ATP8A1: variants seen among roughly 807,000 people sequenced by gnomAD.
ATP8A1 encodes the protein phospholipid-transporting ATPase IA.
In ATP8A1, 90 loss-of-function variants were observed where a neutral mutation model predicts 177.7. The ratio of observed to expected loss-of-function variants is 0.51; its 90% confidence interval spans 0.43 to 0.60. The LOEUF is 0.60. Among genes scored for constraint, ATP8A1 ranks in the 20% least tolerant of loss-of-function variants. The pLI, the probability that ATP8A1 is intolerant of heterozygous loss-of-function variation, is 0.00. For synonymous variants in ATP8A1, 493 were observed against 485.9 expected (o/e 1.01, Z -0.19); for missense variants, 1,072 against 1,392.8 (o/e 0.77, Z 3.67).
intron 19 of ATP8A1, 80 bp from the exon 20 acceptor site, chr4:42,544,066 G>A (rs1226037803): frequency 8.9e-7 from 1 of 1,129,268 alleles, no homozygotes; most frequent in Non-Finnish European, 1.3e-6. Context: ...CACATATTTT[G>A]ATATTCACAG....
chr4:42,586,241 A>G, intron 9 of ATP8A1, 108 bp downstream of exon 9: 1 of 1,294,556 alleles, frequency 7.7e-7, no homozygotes, highest in South Asian at 1.5e-5. Flanking sequence ...GGTTTTGAGG[A>G]CTCAAACTTA....
intron 1 of ATP8A1, among the ~76,000 whole-genome samples, chr4:42,636,156 A>ACACACACACACGCGTGCGCGCG (rs565139270): frequency 1.1e-5 from 1 of 90,898 alleles, no homozygotes; most frequent in African/African-American, 3.3e-5. Context: ...ACACACACAC[A>ACACACACACACGCGTGCGCGCG]CGCACACACA....
At chr4:42,517,161 T>C (rs929280462) in intron 22 of ATP8A1, among the ~76,000 whole-genome samples, 4 of 151,554 alleles carry the variant, frequency 2.6e-5, no homozygotes, top group African/African-American at 9.7e-5. Context: ...TTTGGCTGGG[T>C]GTGGTGGCGG....
chr4:42,537,148 AAAAAAAC>A lies in ATP8A1; in HGVS notation c.1722+6762_1722+6768del, dbSNP rs1727923997. Among the ~76,000 whole-genome samples the A allele has an allele frequency of 4.3e-5, 5 of 117,560 alleles. No homozygotes were observed. In the Admixed American group the frequency reaches 4.8e-4, roughly 11 times the overall value. The allele number at this position is 117,560 out of a possible 152,430, so 77.1% of individuals were successfully genotyped here. Reference sequence around the variant, plus strand: ...ACTCCGTCTCAAAAAAAAAAAAAACAAAAAAACCAAAAAAACCCCCACGTGATCATCT... The same window carrying A: ...ACTCCGTCTCAAAAAAAAAAAAAACACAAAAAAACCCCCACGTGATCATCT... On this transcript the variant is annotated intron_variant, in intron 20 of 36. Coordinates refer to ENST00000381668, the MANE Select transcript of ATP8A1 (RefSeq NM_006095.2).
At chr4:42,481,049 G>A (rs1376019599) in intron 25 of ATP8A1, among the ~76,000 whole-genome samples, 2 of 152,180 alleles carry the variant, frequency 1.3e-5, no homozygotes, top group Non-Finnish European at 2.9e-5. Flanking sequence ...TTCTTTGAAA[G>A]GCTGGGTTAT....
At chr4:42,589,135 G>A (rs1733913124) in intron 7 of ATP8A1, among the ~76,000 whole-genome samples, 1 of 152,156 alleles carries the variant, frequency 6.6e-6, no homozygotes, top group Admixed American at 6.5e-5. Context: ...CCACAGCCCA[G>A]ACTGTCTTAT....
Position 42,412,438 on chromosome 4 carries a change from G to C in ATP8A1, c.*478C>G, listed in dbSNP as rs1712726550. 1 of 152,236 alleles carries C rather than the reference G, an allele frequency of 6.6e-6. No individual in the cohort carries two copies. The allele number at this position is 152,236 out of a possible 1,614,324, so 9.4% of individuals were successfully genotyped here. A position where few individuals can be genotyped will look rare whatever the true frequency, so the allele number is the denominator to read the frequency against. On this transcript the variant is annotated 3_prime_UTR_variant, in exon 37 of 37. Transcript: ENST00000381668. ...ACACAAATGCTTGTTTAGAAATTTT[G>C]CTCAGGAAGGTGAGTCAGTTCCTTA... is the stretch of plus-strand genomic sequence containing the variant.
intron 1 of ATP8A1, among the ~76,000 whole-genome samples, chr4:42,651,789 C>T (rs1379028766): frequency 6.6e-6 from 1 of 152,230 alleles, no homozygotes; most frequent in East Asian, 1.9e-4. Flanking sequence ...AGCAGAAAGG[C>T]ACAAGGAGCC....
At chr4:42,451,883 C>G (rs1717966312) in intron 30 of ATP8A1, 98 bp downstream of exon 30, 4 of 839,182 alleles carry the variant, frequency 4.8e-6, no homozygotes, top group Non-Finnish European at 7.2e-6. Context: ...AAATATCATA[C>G]AATGAAACTG....
intron 33 of ATP8A1, among the ~76,000 whole-genome samples, chr4:42,424,063 A>G (rs1460613626): frequency 1.3e-5 from 2 of 152,136 alleles, no homozygotes; most frequent in Non-Finnish European, 2.9e-5. Flanking sequence ...CTACAAAAAC[A>G]ACAATTTGAT....
chr4:42,620,508 A>C (rs16854618), intron 4 of ATP8A1, among the ~76,000 whole-genome samples: 14,005 of 152,276 alleles, frequency 0.092, 783 homozygotes, highest in African/African-American at 0.15. Flanking sequence ...GGAGTACTAG[A>C]AACCATAGCT....
intron 33 of ATP8A1, among the ~76,000 whole-genome samples, chr4:42,425,751 CGGG>C: frequency 6.6e-6 from 1 of 152,124 alleles, no homozygotes. Context: ...GCAGCCTGTT[CGGG>C]CCGAGCTCCG....
At chr4:42,622,681 A>T (rs1475110553) in intron 4 of ATP8A1, among the ~76,000 whole-genome samples, 2 of 152,162 alleles carry the variant, frequency 1.3e-5, no homozygotes, top group African/African-American at 4.8e-5. Context: ...TCTACAAGGA[A>T]CTTAAATTTA....
intron 33 of ATP8A1, among the ~76,000 whole-genome samples, chr4:42,440,629 G>T (rs759201221): frequency 6.6e-6 from 1 of 151,564 alleles, no homozygotes; most frequent in Admixed American, 6.6e-5. Context: ...TTGATTGATT[G>T]AAAAAAAATA....
chr4:42,459,314 T>C (rs988124012), intron 27 of ATP8A1: 9 of 170,042 alleles, frequency 5.3e-5, no homozygotes, highest in Non-Finnish European at 7.7e-5. Flanking sequence ...ATTGTTTTCA[T>C]TTGATTTTAA....
chr4:42,537,146 A>AAAAAAAAAAAC (rs540584674), intron 20 of ATP8A1, among the ~76,000 whole-genome samples: 1 of 145,510 alleles, frequency 6.9e-6, no homozygotes, highest in Non-Finnish European at 1.5e-5. Flanking sequence ...AAAAAAAAAA[A>AAAAAAAAAAAC]CAAAAAAACC....
chr4:42,590,777 A>G lies in ATP8A1; in HGVS notation c.524+34T>C, dbSNP rs73810727. On this transcript the variant is annotated intron_variant, in intron 7 of 36. Transcript: ENST00000381668. Reference sequence around the variant, plus strand: ...TCTCCGGTTTACGGTGAGGACCCACATACACGCATCCTATACGACTCAGTG... The same window carrying G: ...TCTCCGGTTTACGGTGAGGACCCACGTACACGCATCCTATACGACTCAGTG... 1,704 of 1,593,216 alleles carry G rather than the reference A, an allele frequency of 1.1e-3. 19 individuals carry two copies. The African/African-American group carries it at 0.021, about 20-fold the overall frequency.
chr4:42,468,819 T>C (rs1720094034), intron 25 of ATP8A1, among the ~76,000 whole-genome samples: 1 of 152,102 alleles, frequency 6.6e-6, no homozygotes, highest in Admixed American at 6.6e-5. Flanking sequence ...AAATAAAAAA[T>C]TAAAACAAAA....
At chr4:42,534,537 A>G (rs1727584026) in intron 20 of ATP8A1, among the ~76,000 whole-genome samples, 1 of 152,212 alleles carries the variant, frequency 6.6e-6, no homozygotes, top group Non-Finnish European at 1.5e-5. Context: ...AAACCTAAGA[A>G]TAATTGGTGT....
Sources: gnomAD v4.1 joint callset for allele counts (sites outside exome capture counted in the v4.1 genomes callset) on GRCh38, gnomAD v4.1.1 for gene constraint, MANE v1.5 for transcripts, NCBI Gene and HGNC (gene_info 2026-07-23, HGNC 2026-07-21) for gene names.